Variants in PKHD1 observed in about 807,000 individuals in gnomAD.
PKHD1 encodes the protein fibrocystin.
In PKHD1, 291 loss-of-function variants were observed where a neutral mutation model predicts 412.0. The observed-to-expected ratio is 0.71, with a 90% CI of 0.64 to 0.78. PKHD1 has a LOEUF of 0.78. Ranked by LOEUF, PKHD1 falls within the 30% of genes least tolerant of loss-of-function variation. PKHD1 has a pLI of 0.00. For synonymous variants in PKHD1, 1,777 were observed against 1,821.5 expected, an observed-to-expected ratio of 0.98 and a Z score of 0.62; for missense variants, 4,825 against 4,950.7, an observed-to-expected ratio of 0.97 and a Z score of 0.76.
chr6:51,968,282 C>T (rs943038364), intron 35 of PKHD1, among the ~76,000 whole-genome samples: 9 of 152,148 alleles, frequency 5.9e-5, no homozygotes, highest in Non-Finnish European at 1.0e-4. Context: ...ACATTTAGCT[C>T]CCAGGCTAAA....
intron 63 of PKHD1, among the ~76,000 whole-genome samples, chr6:51,641,685 A>G (rs1010134840): frequency 1.3e-5 from 2 of 152,214 alleles, no homozygotes; most frequent in Admixed American, 1.3e-4. Context: ...AATGTGGCAC[A>G]TATACACTAC....
chr6:51,738,920 GACACAC>G (rs146074613), intron 60 of PKHD1, among the ~76,000 whole-genome samples: 1 of 150,402 alleles, frequency 6.6e-6, no homozygotes, highest in East Asian at 1.9e-4. Context: ...CTGCACACAA[GACACAC>G]ACACACACAG....
chr6:51,967,231 G>A (rs534533749), intron 35 of PKHD1, among the ~76,000 whole-genome samples: 68 of 152,166 alleles, frequency 4.5e-4, no homozygotes, highest in African/African-American at 1.5e-3. Context: ...ATTGGCACAC[G>A]GCATGACAAT....
chr6:51,983,265 A>G (rs1195716180), intron 35 of PKHD1, among the ~76,000 whole-genome samples: 1 of 152,246 alleles, frequency 6.6e-6, no homozygotes, highest in Non-Finnish European at 1.5e-5. Flanking sequence ...GACTACAAAA[A>G]ATAAGGGGGC....
intron 55 of PKHD1, among the ~76,000 whole-genome samples, chr6:51,769,868 A>T (rs1789770124): frequency 6.6e-6 from 1 of 151,556 alleles, no homozygotes; most frequent in Non-Finnish European, 1.5e-5. Flanking sequence ...TTCTGTTGGT[A>T]AAGTTTTGAT....
rs1313206550 is a variant in PKHD1, at chr6:51,960,011, G to A, written c.5767C>T (p.Gln1923Ter). The change falls in exon 36 of 67, where the codon CAG becomes TAG. Residue 1923 changes from glutamine to a stop codon, truncating the protein, a stop_gained. Coordinates refer to ENST00000371117, the MANE Select transcript of PKHD1 (RefSeq NM_138694.4). LOFTEE classifies it high-confidence loss of function. ...GQNTQGNFSL[Q>*]FCRRWSRTHS... ...GTCCTGGACCATCTCCGGCAGAACT[G>A]TAAAGAAAAGTTGCCCTGGAAAACA... 4 of 1,613,270 alleles carry A rather than the reference G, an allele frequency of 2.5e-6. No individual in the cohort carries two copies. Among genetic ancestry groups the A allele is most frequent in the Non-Finnish European group, 3.4e-6 (4 of 1,179,532 alleles).
chr6:51,859,696 T>C (rs1773893362), intron 48 of PKHD1, among the ~76,000 whole-genome samples: 1 of 152,096 alleles, frequency 6.6e-6, no homozygotes, highest in Non-Finnish European at 1.5e-5. Flanking sequence ...ACAGACCAAT[T>C]TTTAGGATGT....
intron 48 of PKHD1, among the ~76,000 whole-genome samples, chr6:51,860,534 A>T (rs1450227700): frequency 6.6e-6 from 1 of 152,196 alleles, no homozygotes; most frequent in African/African-American, 2.4e-5. Flanking sequence ...GCACAAAAGT[A>T]TTTCTAATTT....
In PKHD1 at chr6:51,703,084, C is replaced by A. The variant is rs535761049; in HGVS notation, c.10156+41301G>T. Among the ~76,000 whole-genome samples the A allele has an allele frequency of 5.3e-5, 8 of 151,976 alleles. No homozygotes were observed. The South Asian group carries it at 1.5e-3, about 28-fold the overall frequency. On this transcript the variant is annotated intron_variant, in intron 60 of 66. Transcript: ENST00000371117. ...GTGTGCTGCAATAAATGTCTGTATA[C>A]AGAGTGCTCCATAAACATTTATAGA...
At chr6:51,643,363 G>A (rs755843497) in intron 63 of PKHD1, among the ~76,000 whole-genome samples, 8 of 151,148 alleles carry the variant, frequency 5.3e-5, no homozygotes, top group Non-Finnish European at 1.0e-4. Flanking sequence ...AACCCAAGAA[G>A]CTTCTAACTG....
chr6:51,708,053 G>A (rs1418175499), intron 60 of PKHD1, among the ~76,000 whole-genome samples: 3 of 152,242 alleles, frequency 2.0e-5, no homozygotes, highest in East Asian at 3.9e-4. Flanking sequence ...CTTCAGAACT[G>A]CATATTTAAT....
intron 60 of PKHD1, among the ~76,000 whole-genome samples, chr6:51,692,099 C>T (rs1778229922): frequency 6.6e-6 from 1 of 152,130 alleles, no homozygotes; most frequent in African/African-American, 2.4e-5. Flanking sequence ...CTTCATCATT[C>T]ACTTAATGCT....
chr6:52,041,104 T>G (rs1048744514), intron 27 of PKHD1, among the ~76,000 whole-genome samples: 6 of 152,228 alleles, frequency 3.9e-5, no homozygotes, highest in African/African-American at 1.4e-4. Flanking sequence ...GAAGAAAGTA[T>G]GTAAAGCAAA....
intron 36 of PKHD1, among the ~76,000 whole-genome samples, chr6:51,953,404 AG>A (rs1790655004): frequency 6.6e-6 from 1 of 152,068 alleles, no homozygotes; most frequent in Non-Finnish European, 1.5e-5. Context: ...CTATAGGCAG[AG>A]GGTAAAATGC....
chr6:51,756,468 A>G (rs1787027538), intron 55 of PKHD1, among the ~76,000 whole-genome samples: 1 of 152,166 alleles, frequency 6.6e-6, no homozygotes, highest in Non-Finnish European at 1.5e-5. Context: ...TTAGAAAAAG[A>G]GTATTCCCAC....
At chr6:52,033,357 C>A (rs35175045) in intron 28 of PKHD1, among the ~76,000 whole-genome samples, 192 bp from the exon 29 acceptor site, 1 of 152,052 alleles carries the variant, frequency 6.6e-6, no homozygotes, top group Non-Finnish European at 1.5e-5. Context: ...TGCCCCCACA[C>A]CCACAACACA....
At chr6:51,634,041 CTCAAT>C (rs1354288617) in intron 64 of PKHD1, among the ~76,000 whole-genome samples, 1 of 151,696 alleles carries the variant, frequency 6.6e-6, no homozygotes, top group Non-Finnish European at 1.5e-5. Context: ...TCAATCATAT[CTCAAT>C]ACAAACAGGT....
intron 52 of PKHD1, among the ~76,000 whole-genome samples, chr6:51,797,743 G>T (rs1404991656): frequency 6.6e-6 from 1 of 152,064 alleles, no homozygotes; most frequent in Non-Finnish European, 1.5e-5. Flanking sequence ...ATGGGTCTTG[G>T]TTCTTTATCC....
chr6:51,648,181 G>A (rs1770378378), intron 62 of PKHD1, 63 bp from the exon 63 acceptor site: 3 of 884,360 alleles, frequency 3.4e-6, no homozygotes, highest in Admixed American at 1.7e-5. Context: ...ATTTTGTGAA[G>A]TTAGAAAAGA....
Sources: allele counts gnomAD v4.1 joint callset (sites outside exome capture counted in the v4.1 genomes callset), GRCh38; gene constraint gnomAD v4.1.1; transcripts MANE v1.5; gene names NCBI Gene and HGNC (gene_info 2026-07-23, HGNC 2026-07-21).